Variants in SLC28A3 observed in about 807,000 individuals in gnomAD.
The protein encoded by SLC28A3 is solute carrier family 28 member 3.
A neutral mutation model predicts 84.2 loss-of-function variants in SLC28A3; 68 were observed. The ratio of observed to expected loss-of-function variants is 0.81; its 90% confidence interval spans 0.66 to 0.99. The LOEUF (loss-of-function observed/expected upper bound fraction) is 0.99. Among genes scored for constraint, SLC28A3 ranks in the 50% least tolerant of loss-of-function variants. The pLI is 0.00. For synonymous variants in SLC28A3, 267 were observed against 303.6 expected (o/e 0.88, Z 1.25); for missense variants, 712 against 841.5 (o/e 0.85, Z 1.90).
rs1335471526 is a variant in SLC28A3, at chr9:84,286,207, G to C, written c.1281-96C>G. On this transcript the variant is annotated intron_variant, in intron 12 of 17. Transcript: ENST00000376238. ...TAGCATAATCAGAGCTTAGATAAGA[G>C]ACAAACTCTAAGGCCCCTGCCTTGC... 30 of 1,234,476 alleles carry C rather than the reference G, an allele frequency of 2.4e-5. No individual in the cohort carries two copies. In the Admixed American group the frequency reaches 6.9e-4, roughly 28 times the overall value. The allele number at this position is 1,234,476 out of a possible 1,614,324, so 76.5% of individuals were successfully genotyped here.
At chr9:84,279,234 T>A in intron 17 of SLC28A3, 31 bp downstream of exon 17, 1 of 1,571,148 alleles carries the variant, frequency 6.4e-7, no homozygotes, top group Non-Finnish European at 8.6e-7. Flanking sequence ...ATTAATGGAG[T>A]ATAAAGAAAT....
intron 12 of SLC28A3, among the ~76,000 whole-genome samples, chr9:84,287,676 A>C (rs564508463): frequency 5.3e-5 from 8 of 152,052 alleles, no homozygotes; most frequent in Non-Finnish European, 1.0e-4. Context: ...AGCCTGGGCA[A>C]CATAGTGAGA....
chr9:84,336,972 C>T (rs1826997813), intron 1 of SLC28A3, among the ~76,000 whole-genome samples: 1 of 152,104 alleles, frequency 6.6e-6, no homozygotes. Flanking sequence ...TCAGTCAGCT[C>T]AGCTCCAGCT....
chr9:84,354,981 TAAGAA>T, the SLC28A3 span, among the ~76,000 whole-genome samples: 2 of 152,312 alleles, frequency 1.3e-5, no homozygotes, highest in Admixed American at 1.3e-4. Flanking sequence ...CCCCAGTTGT[TAAGAA>T]GAAGCTATAC....
At chr9:84,301,349 C>CAAAGAAAAAA (rs1260259405) in intron 5 of SLC28A3, among the ~76,000 whole-genome samples, 1 of 44,716 alleles carries the variant, frequency 2.2e-5, no homozygotes, top group African/African-American at 6.2e-5. Flanking sequence ...GACTCTGTCT[C>CAAAGAAAAAA]AAAAAAAAAA....
At position 84,299,722 on chromosome 9, in the gene SLC28A3, C is replaced by A; in HGVS notation, c.528G>T (p.Val176=). ...LNSHWFWLKW[V]IWSSLVLAVI... ...CTGCTAGGACCAGGGAGCTCCAGAT[C>A]ACCCTAAGAGAAGGGGAAAGGAGGC... is the stretch of plus-strand genomic sequence containing the variant. Residue 176 remains valine, a synonymous_variant, in exon 6 of 18, where the codon GTG becomes GTT. Coordinates refer to ENST00000376238, the MANE Select transcript of SLC28A3 (RefSeq NM_001199633.2). The A allele has an allele frequency of 6.3e-7, 1 of 1,595,776 alleles. No individual in the cohort carries two copies. The highest frequency in any genetic ancestry group is 8.5e-7 in the Non-Finnish European group (1 of 1,174,832).
chr9:84,278,284 C>G lies in SLC28A3; in HGVS notation c.2010G>C (p.Leu670Phe). ...IPGGNHSLYS[L>F]KGCCTLLNPS... ...GATTCAACAATGTGCAGCAGCCCTTCAAAGAATACAGACTGTGGTTTCCTC... is the reference window on the plus strand; with the variant it reads ...GATTCAACAATGTGCAGCAGCCCTTGAAAGAATACAGACTGTGGTTTCCTC... Residue 670 changes from leucine to phenylalanine, a missense_variant, in exon 18 of 18, where the codon TTG becomes TTC. Coordinates refer to ENST00000376238, the MANE Select transcript of SLC28A3 (RefSeq NM_001199633.2). 1 of 1,614,102 alleles carries G rather than the reference C, an allele frequency of 6.2e-7. No individual in the cohort carries two copies. The highest frequency in any genetic ancestry group is 8.5e-7 in the Non-Finnish European group (1 of 1,180,018).
rs112253147 is a variant in SLC28A3, at chr9:84,286,863, C to T, written c.1281-752G>A. Among the ~76,000 whole-genome samples, 1,360 of 152,182 alleles carry T rather than the reference C, an allele frequency of 8.9e-3. 20 individuals are homozygous for T. Among genetic ancestry groups the T allele is most frequent in the African/African-American group, 0.031 (1,303 of 41,494 alleles). On this transcript the variant is annotated intron_variant, in intron 12 of 17. Transcript: ENST00000376238. Reference sequence around the variant, plus strand: ...ATCTGTCTTCCTGAAATTCACTCATCATCCCCTTTCTATACAGTTTTCCTA... The same window carrying T: ...ATCTGTCTTCCTGAAATTCACTCATTATCCCCTTTCTATACAGTTTTCCTA...
intron 1 of SLC28A3, among the ~76,000 whole-genome samples, chr9:84,328,156 T>TAC (rs71498096): frequency 0.17 from 22,914 of 131,788 alleles, 2,114 homozygotes; most frequent in East Asian, 0.38. Context: ...GGGAAAAGAC[T>TAC]ACACACACAC....
chr9:84,282,817 T>C (rs1416846258), intron 14 of SLC28A3, among the ~76,000 whole-genome samples: 1 of 152,214 alleles, frequency 6.6e-6, no homozygotes, highest in Admixed American at 6.5e-5. Context: ...CGAGCAATGC[T>C]ACACTCATTC....
At chr9:84,312,687 C>T (rs1026561678) in intron 2 of SLC28A3, among the ~76,000 whole-genome samples, 2 of 151,876 alleles carry the variant, frequency 1.3e-5, no homozygotes, top group African/African-American at 2.4e-5. Flanking sequence ...TACAGGCACA[C>T]GCCACCACGC....
the SLC28A3 span, among the ~76,000 whole-genome samples, chr9:84,348,395 G>C: frequency 1.3e-5 from 2 of 150,442 alleles, no homozygotes; most frequent in Admixed American, 1.3e-4. Flanking sequence ...ACTTAGATTA[G>C]CTTCCAATTC....
chr9:84,315,281 G>C (rs1826131863), intron 1 of SLC28A3, among the ~76,000 whole-genome samples: 1 of 152,130 alleles, frequency 6.6e-6, no homozygotes, highest in Non-Finnish European at 1.5e-5. Context: ...ACAGAACACA[G>C]GTCACTGAGG....
intron 10 of SLC28A3, 78 bp from the exon 11 acceptor site, chr9:84,290,357 A>T: frequency 2.6e-6 from 4 of 1,551,520 alleles, no homozygotes; most frequent in Non-Finnish European, 3.5e-6. Flanking sequence ...TCTACTCACA[A>T]TTTTATTCTT....
chr9:84,288,274 A>C (rs1825077346), intron 11 of SLC28A3, 96 bp from the exon 12 acceptor site: 1 of 1,534,590 alleles, frequency 6.5e-7, no homozygotes, highest in Non-Finnish European at 8.9e-7. Context: ...GAAACAGGGC[A>C]GGGGTTGTTT....
intron 1 of SLC28A3, among the ~76,000 whole-genome samples, chr9:84,324,020 T>C (rs976555404): frequency 6.6e-6 from 1 of 152,194 alleles, no homozygotes; most frequent in African/African-American, 2.4e-5. Context: ...TTCTCTGACC[T>C]AAAGACCTCA....
At chr9:84,349,385 T>C in the SLC28A3 span, among the ~76,000 whole-genome samples, 2 of 152,282 alleles carry the variant, frequency 1.3e-5, no homozygotes, top group South Asian at 2.1e-4. Context: ...TACAGGTGCC[T>C]GCTACCACGC....
rs1017320243 is a variant in SLC28A3 at position 84,276,719 on chromosome 9, G to T, written c.*1499C>A. ...TACTTCAGGGATAAACAGTCCTCTG[G>T]ACATTAGGCCTCCTCCTTCACCACC... On this transcript the variant is annotated 3_prime_UTR_variant, in exon 18 of 18. Transcript: ENST00000376238. 6.6e-6 allele frequency: 1 copy of T among 151,862 alleles called. No homozygotes were observed. Among genetic ancestry groups the T allele is most frequent in the African/African-American group, 2.4e-5 (1 of 41,250 alleles). The allele number at this position is 151,862 out of a possible 1,614,324, so 9.4% of individuals were successfully genotyped here.
chr9:84,363,572 CCA>C, the SLC28A3 span, among the ~76,000 whole-genome samples: 7 of 152,100 alleles, frequency 4.6e-5, no homozygotes, highest in Non-Finnish European at 7.3e-5. Flanking sequence ...CCTGTCACAT[CCA>C]TATTATTATT....
Sources: allele counts gnomAD v4.1 joint callset (sites outside exome capture counted in the v4.1 genomes callset), GRCh38; gene constraint gnomAD v4.1.1; transcripts MANE v1.5; gene names NCBI Gene and HGNC (gene_info 2026-07-23, HGNC 2026-07-21).